The following JARID2 variants were observed in gnomAD, a reference collection of about 807,000 sequenced individuals.
The protein encoded by JARID2 is jumonji and AT-rich interaction domain containing 2, also known as protein Jumonji.
In JARID2, 21 loss-of-function variants were observed where a neutral mutation model predicts 125.6. That is an observed-to-expected ratio of 0.17 (90% CI 0.12 to 0.24). The LOEUF is 0.24. JARID2 is among the 10% of genes least tolerant of loss of function. JARID2 has a pLI of 1.00. For missense variants in JARID2, 1,303 were observed against 1,639.6 expected, an observed-to-expected ratio of 0.79 and a Z score of 3.55; for synonymous variants, 736 against 661.6, an observed-to-expected ratio of 1.11 and a Z score of -1.73.
At chr6:15,440,157 T>C (rs1401926766) in intron 3 of JARID2, among the ~76,000 whole-genome samples, 1 of 152,230 alleles carries the variant, frequency 6.6e-6, no homozygotes, top group Non-Finnish European at 1.5e-5. Flanking sequence ...TAGATGAACA[T>C]GTATGTCCTG....
intron 5 of JARID2, among the ~76,000 whole-genome samples, chr6:15,469,173 A>G (rs945997488): frequency 1.3e-5 from 2 of 151,742 alleles, no homozygotes; most frequent in Non-Finnish European, 2.9e-5. Flanking sequence ...GGAGGAGGAT[A>G]AAAGGCAGGA....
chr6:15,482,217 T>G (rs192559311), intron 5 of JARID2, among the ~76,000 whole-genome samples: 1 of 152,348 alleles, frequency 6.6e-6, no homozygotes, highest in Non-Finnish European at 1.5e-5. Context: ...ATGTGACACA[T>G]CAAGCTTCTT....
intron 6 of JARID2, among the ~76,000 whole-genome samples, chr6:15,495,890 C>T (rs541934296): frequency 5.9e-5 from 9 of 152,310 alleles, no homozygotes; most frequent in African/African-American, 2.2e-4. Flanking sequence ...GGGCAGTTTG[C>T]ATACTTCTGT....
chr6:15,321,783 G>GTTTTT (rs71687714), intron 1 of JARID2, among the ~76,000 whole-genome samples: 3 of 68,500 alleles, frequency 4.4e-5, no homozygotes, highest in African/African-American at 5.7e-5. Context: ...AAGAATTCTT[G>GTTTTT]TTTTTTTTTT....
At chr6:15,319,290 A>G (rs2127437918) in intron 1 of JARID2, among the ~76,000 whole-genome samples, 1 of 152,222 alleles carries the variant, frequency 6.6e-6, no homozygotes, top group South Asian at 2.1e-4. Context: ...CTTGAACAAT[A>G]ATTTTAAAAG....
chr6:15,476,612 G>A (rs1014490345), intron 5 of JARID2, among the ~76,000 whole-genome samples: 1 of 152,178 alleles, frequency 6.6e-6, no homozygotes, highest in African/African-American at 2.4e-5. Context: ...GAAATGATTT[G>A]GACAGCATCA....
At chr6:15,400,444 T>C (rs1426667149) in intron 2 of JARID2, among the ~76,000 whole-genome samples, 2 of 151,624 alleles carry the variant, frequency 1.3e-5, no homozygotes, top group Admixed American at 6.6e-5. Flanking sequence ...AGGGATGCCA[T>C]TGAAACTGCG....
intron 3 of JARID2, among the ~76,000 whole-genome samples, chr6:15,412,763 C>T (rs560636524): frequency 6.6e-6 from 1 of 152,142 alleles, no homozygotes; most frequent in South Asian, 2.1e-4. Flanking sequence ...CCTGAATTTC[C>T]AGAGCTTCGG....
At chr6:15,500,284 G>C (rs1444342174) in intron 7 of JARID2, among the ~76,000 whole-genome samples, 2 of 152,218 alleles carry the variant, frequency 1.3e-5, no homozygotes, top group Non-Finnish European at 2.9e-5. Flanking sequence ...GCATAGATGT[G>C]CTGCCCTGTG....
At chr6:15,407,238 G>C (rs1765687320) in intron 2 of JARID2, among the ~76,000 whole-genome samples, 1 of 152,012 alleles carries the variant, frequency 6.6e-6, no homozygotes, top group South Asian at 2.1e-4. Flanking sequence ...TCTAGCATGG[G>C]TGACAGAGCA....
chr6:15,468,183 T>TG (rs1768836105), intron 4 of JARID2, among the ~76,000 whole-genome samples: 1 of 151,620 alleles, frequency 6.6e-6, no homozygotes, highest in Non-Finnish European at 1.5e-5. Context: ...TTTTTTTTTT[T>TG]TTTAAGTCTA....
chr6:15,357,126 G>T (rs1356468876), intron 1 of JARID2, among the ~76,000 whole-genome samples: 1 of 152,214 alleles, frequency 6.6e-6, no homozygotes, highest in Non-Finnish European at 1.5e-5. Flanking sequence ...AGGGAACGAA[G>T]CCTTACTGGC....
chr6:15,441,439 C>G (rs1447748673), intron 3 of JARID2, among the ~76,000 whole-genome samples: 1 of 152,188 alleles, frequency 6.6e-6, no homozygotes, highest in Non-Finnish European at 1.5e-5. Flanking sequence ...TGTAAAGACT[C>G]GCTATTGCCA....
At position 15,496,626 on chromosome 6, in the gene JARID2, C is replaced by G. The variant is rs1426442181; in HGVS notation, c.1401C>G (p.Ala467=). 1 of 1,608,564 alleles carries G rather than the reference C, an allele frequency of 6.2e-7. No homozygotes were observed. Reference sequence around the variant, plus strand: ...AGATGAAAGGGGCGGCTGGCCCCGCCGAAGGCCCTGGCAAGAAGGCCCCGG... The same window carrying G: ...AGATGAAAGGGGCGGCTGGCCCCGCGGAAGGCCCTGGCAAGAAGGCCCCGG... ...PKKMKGAAGP[A]EGPGKKAPAE... The change falls in exon 7 of 18, where the codon GCC becomes GCG. Residue 467 remains alanine, a synonymous_variant. Coordinates refer to ENST00000341776, the MANE Select transcript of JARID2 (RefSeq NM_004973.4).
intron 1 of JARID2, among the ~76,000 whole-genome samples, chr6:15,340,310 A>G (rs1045353898): frequency 6.6e-6 from 1 of 152,238 alleles, no homozygotes; most frequent in Non-Finnish European, 1.5e-5. Flanking sequence ...GCTGATGTCC[A>G]GTGAGGTCAT....
At chr6:15,334,018 T>C (rs1275832496) in intron 1 of JARID2, among the ~76,000 whole-genome samples, 1 of 151,956 alleles carries the variant, frequency 6.6e-6, no homozygotes, top group Non-Finnish European at 1.5e-5. Flanking sequence ...AAATATGACA[T>C]CTTAGCGTGC....
At chr6:15,433,964 G>A (rs950505105) in intron 3 of JARID2, among the ~76,000 whole-genome samples, 2 of 133,352 alleles carry the variant, frequency 1.5e-5, no homozygotes, top group African/African-American at 5.8e-5. Context: ...GTGTGTGTGT[G>A]TGTGTGTCAG....
intron 1 of JARID2, among the ~76,000 whole-genome samples, chr6:15,325,318 T>A (rs1045921052): frequency 3.9e-5 from 6 of 152,346 alleles, no homozygotes; most frequent in African/African-American, 1.4e-4. Flanking sequence ...CAGCTTAGCC[T>A]CACTCTCCGT....
chr6:15,378,623 C>G (rs1281477258), intron 2 of JARID2, among the ~76,000 whole-genome samples: 4 of 152,126 alleles, frequency 2.6e-5, no homozygotes, highest in Non-Finnish European at 5.9e-5. Flanking sequence ...GGAATTGCAG[C>G]TCAAGTCCTG....
Sources: gnomAD v4.1 joint callset for allele counts (sites outside exome capture counted in the v4.1 genomes callset) on GRCh38, gnomAD v4.1.1 for gene constraint, MANE v1.5 for transcripts, NCBI Gene and HGNC (gene_info 2026-07-23, HGNC 2026-07-21) for gene names.